IFFO2: variants seen among roughly 807,000 people sequenced by gnomAD.
The protein encoded by IFFO2 is intermediate filament family orphan 2.
IFFO2 carries 19 observed loss-of-function variants against 53.5 expected under a neutral mutation model. The observed-to-expected ratio is 0.36, with a 90% CI of 0.25 to 0.52. IFFO2 has a LOEUF of 0.52. Among genes scored for constraint, IFFO2 ranks in the 20% least tolerant of loss-of-function variants. The pLI, the probability that IFFO2 is intolerant of heterozygous loss-of-function variation, is 0.94. For synonymous variants in IFFO2, 303 were observed against 313.6 expected (o/e 0.97, Z 0.36); for missense variants, 570 against 727.4 (o/e 0.78, Z 2.49).
rs74688350 is a variant in IFFO2, at chr1:18,933,639, T to G, written c.666-12518A>C. Among the ~76,000 whole-genome samples the G allele has an allele frequency of 4.4e-3, 668 of 152,064 alleles. 4 individuals carry two copies. The highest frequency in any genetic ancestry group is 0.017 in the Admixed American group (266 of 15,276). On this transcript the variant is annotated intron_variant, in intron 1 of 8. Coordinates refer to ENST00000455833, the MANE Select transcript of IFFO2 (RefSeq NM_001136265.2). ...CCAGGTGTGGTGGCACCGCTTATAGTCCCAGATACTCAGGAGGCTGAGGTG... is the reference window on the plus strand; with the variant it reads ...CCAGGTGTGGTGGCACCGCTTATAGGCCCAGATACTCAGGAGGCTGAGGTG...
rs1553158138 is a variant in IFFO2, at chr1:18,928,214, T to TGGCACCACCTCTTGTGGCCTCCC, written c.666-7116_666-7094dup. ...CCAAGCCCCACCCCCTGGGGACACC[T>TGGCACCACCTCTTGTGGCCTCCC]GGCACCACCTCTTGTGGCCTCCCGG... On this transcript the variant is annotated intron_variant, in intron 1 of 8. Coordinates refer to ENST00000455833, the MANE Select transcript of IFFO2 (RefSeq NM_001136265.2). The surrounding 1 kb of genome is among the most constrained non-coding windows in gnomAD (Gnocchi z 4.9). Among the ~76,000 whole-genome samples the TGGCACCACCTCTTGTGGCCTCCC allele has an allele frequency of 6.6e-6, 1 of 152,076 alleles. No individual in the cohort carries two copies. The highest frequency in any genetic ancestry group is 1.9e-4 in the East Asian group (1 of 5,184).
intron 1 of IFFO2, among the ~76,000 whole-genome samples, chr1:18,943,502 C>A (rs566632311): frequency 6.6e-6 from 1 of 152,212 alleles, no homozygotes; most frequent in Non-Finnish European, 1.5e-5. Flanking sequence ...TCAGCCTCTA[C>A]GGTTCACCCA....
chr1:18,955,901 G>A lies in IFFO2; in HGVS notation c.432C>T (p.Pro144=). The A allele has an allele frequency of 7.4e-7, 1 of 1,343,014 alleles. No individual in the cohort carries two copies. The highest frequency in any genetic ancestry group is 9.5e-7 in the Non-Finnish European group (1 of 1,056,570). The allele number at this position is 1,343,014 out of a possible 1,614,324, so 83.2% of individuals were successfully genotyped here. A position where few individuals can be genotyped will look rare whatever the true frequency, so the allele number is the denominator to read the frequency against. ...GCTGCGGGTGCGAGCCGCCGCCGGGGGGCAGGCCGCCCAGGGCCACGGCAT... is the reference window on the plus strand; with the variant it reads ...GCTGCGGGTGCGAGCCGCCGCCGGGAGGCAGGCCGCCCAGGGCCACGGCAT... The part of the protein sequence containing the change: ...NANAVALGGL[P]PGGGSHPQHY... The change falls in exon 1 of 9, where the codon CCC becomes CCT. Residue 144 remains proline (P), a synonymous_variant. Transcript: ENST00000455833.
At chr1:18,908,743 G>C in intron 8 of IFFO2, 77 bp from the exon 9 acceptor site, 1 of 1,009,274 alleles carries the variant, frequency 9.9e-7, no homozygotes. Flanking sequence ...GGAAGGCTGA[G>C]CTGCCACTTC....
chr1:18,924,159 A>G (rs985509291), intron 1 of IFFO2, among the ~76,000 whole-genome samples: 1 of 152,222 alleles, frequency 6.6e-6, no homozygotes, highest in African/African-American at 2.4e-5. Context: ...CGCCAGCTCC[A>G]GTGTTGACAA....
intron 1 of IFFO2, among the ~76,000 whole-genome samples, chr1:18,948,615 C>T (rs892313171): frequency 6.6e-6 from 1 of 152,246 alleles, no homozygotes; most frequent in Non-Finnish European, 1.5e-5. Flanking sequence ...ACACTCCCCT[C>T]GTGGGCAGGC....
chr1:18,937,944 C>G (rs138283351), intron 1 of IFFO2, among the ~76,000 whole-genome samples: 12 of 152,270 alleles, frequency 7.9e-5, no homozygotes, highest in African/African-American at 2.9e-4. Flanking sequence ...TCCAACCCAG[C>G]GGGGGCTCTC....
rs201436231 is a variant in IFFO2, at chr1:18,911,374, G to A, written c.1317+10C>T. 2.4e-5 allele frequency: 35 copies of A among 1,467,980 alleles called. 1 individual carries two copies. The Middle Eastern group carries it at 5.2e-4, about 22-fold the overall frequency. The allele number at this position is 1,467,980 out of a possible 1,614,324, so 90.9% of individuals were successfully genotyped here. ...GCCTCACGAGTGGGCTCCACGTCCC[G>A]AGCCCTCACCTCGATCTGACCTATC... On this transcript the variant is annotated intron_variant, in intron 7 of 8. Coordinates refer to ENST00000455833, the MANE Select transcript of IFFO2 (RefSeq NM_001136265.2).
At chr1:18,941,484 C>T (rs923874366) in intron 1 of IFFO2, among the ~76,000 whole-genome samples, 1 of 152,234 alleles carries the variant, frequency 6.6e-6, no homozygotes, top group African/African-American at 2.4e-5. Context: ...CACTCCTCTG[C>T]CAAGGTCTGG....
At chr1:18,914,466 T>G (rs1297024622) in intron 5 of IFFO2, among the ~76,000 whole-genome samples, 1 of 152,124 alleles carries the variant, frequency 6.6e-6, no homozygotes, top group Non-Finnish European at 1.5e-5. Context: ...GTCTTAGGGC[T>G]CAGAAGTGCC....
chr1:18,915,024 C>T (rs1216130676), intron 5 of IFFO2, among the ~76,000 whole-genome samples: 2 of 152,144 alleles, frequency 1.3e-5, no homozygotes, highest in African/African-American at 4.8e-5. Flanking sequence ...TTCCTGTCCC[C>T]ACCCAGTTCC....
chr1:18,927,208 C>T (rs552348785), intron 1 of IFFO2, among the ~76,000 whole-genome samples: 10 of 152,330 alleles, frequency 6.6e-5, no homozygotes, highest in African/African-American at 1.9e-4. Context: ...AACGGCACAG[C>T]GCATGGCTGC....
At chr1:18,920,288 T>C (rs574531470) in intron 2 of IFFO2, among the ~76,000 whole-genome samples, 4 of 152,318 alleles carry the variant, frequency 2.6e-5, no homozygotes, top group African/African-American at 9.6e-5. Context: ...GTTAAATTTA[T>C]AAAGAAAAAA....
intron 1 of IFFO2, among the ~76,000 whole-genome samples, chr1:18,927,348 C>T (rs1232040411): frequency 3.9e-5 from 6 of 152,314 alleles, no homozygotes; most frequent in African/African-American, 1.2e-4. Flanking sequence ...GGGCTGGAGC[C>T]CTCAGTGGAA....
chr1:18,913,616 C>T (rs1231524333), intron 5 of IFFO2, among the ~76,000 whole-genome samples: 1 of 152,226 alleles, frequency 6.6e-6, no homozygotes, highest in East Asian at 1.9e-4. Flanking sequence ...CAAAACACAA[C>T]TGTAACACGG....
intron 1 of IFFO2, among the ~76,000 whole-genome samples, chr1:18,944,044 G>A (rs1164523689): frequency 2.6e-5 from 4 of 152,216 alleles, no homozygotes; most frequent in Non-Finnish European, 5.9e-5. Context: ...TCCTGTGGAG[G>A]GGACAGGGTG....
At chr1:18,912,615 A>G (rs1171118736) in intron 5 of IFFO2, among the ~76,000 whole-genome samples, 1 of 152,128 alleles carries the variant, frequency 6.6e-6, no homozygotes, top group African/African-American at 2.4e-5. Flanking sequence ...CCCCATCAAG[A>G]CACTCCCCAA....
intron 2 of IFFO2, among the ~76,000 whole-genome samples, 189 bp downstream of exon 2, chr1:18,920,872 A>G (rs981849209): frequency 6.6e-6 from 1 of 152,214 alleles, no homozygotes; most frequent in African/African-American, 2.4e-5. Flanking sequence ...GTGCTGGTCC[A>G]TTCCTAGCTT....
chr1:18,918,196 T>A lies in IFFO2; in HGVS notation c.963+166A>T, dbSNP rs1454299218. Among the ~76,000 whole-genome samples the A allele has an allele frequency of 6.6e-6, 1 of 152,120 alleles. No homozygotes were observed. The highest frequency in any genetic ancestry group is 1.9e-4 in the East Asian group (1 of 5,176). On this transcript the variant is annotated intron_variant, in intron 4 of 8. Transcript: ENST00000455833. This position sits in a 1 kb window ranked among gnomAD's most constrained non-coding sequence, Gnocchi z 5.2. ...GCCTATGAGTCCACGGGTGCCTGAT[T>A]CTACGTTTTCCTGGGGAGGCCACAG...
Sources: allele counts gnomAD v4.1 joint callset (sites outside exome capture counted in the v4.1 genomes callset), GRCh38; gene constraint gnomAD v4.1.1; non-coding constraint Gnocchi (gnomAD v3.1); transcripts MANE v1.5; gene names NCBI Gene and HGNC (gene_info 2026-07-23, HGNC 2026-07-21).